The following ATAD2 variants were observed in gnomAD, a reference collection of about 807,000 sequenced individuals.
ATAD2 encodes the protein ATPase family AAA domain-containing protein 2.
In ATAD2, 62 loss-of-function variants were observed where a neutral mutation model predicts 168.9. That is an observed-to-expected ratio of 0.37 (90% CI 0.30 to 0.45). The LOEUF is 0.45. ATAD2 is among the 20% of genes least tolerant of loss of function. ATAD2 has a pLI of 1.00. For synonymous variants in ATAD2, 613 were observed against 571.6 expected (o/e 1.07, Z -1.03); for missense variants, 1,419 against 1,667.8 (o/e 0.85, Z 2.60).
intron 24 of ATAD2, among the ~76,000 whole-genome samples, chr8:123,331,414 A>G (rs983519200): frequency 6.6e-6 from 1 of 151,286 alleles, no homozygotes; most frequent in Non-Finnish European, 1.5e-5. Context: ...AATTTTTTTT[A>G]TTTTTAGTAG....
upstream of ATAD2, among the ~76,000 whole-genome samples, chr8:123,396,716 T>TGA (rs2129997988): frequency 6.6e-6 from 1 of 152,160 alleles, no homozygotes; most frequent in African/African-American, 2.4e-5. Context: ...GAGCGGTGCG[T>TGA]AGCCCGTTTG....
intron 1 of ATAD2, among the ~76,000 whole-genome samples, chr8:123,412,075 C>G (rs1277786076): frequency 6.6e-6 from 1 of 152,338 alleles, no homozygotes; most frequent in African/African-American, 2.4e-5. Context: ...TTTCCCTGGT[C>G]TTACCAGTCA....
intron 21 of ATAD2, among the ~76,000 whole-genome samples, chr8:123,336,785 T>C (rs1827926626): frequency 6.6e-6 from 1 of 152,270 alleles, no homozygotes; most frequent in East Asian, 1.9e-4. Flanking sequence ...ACAGCCTATA[T>C]TCTTTCCTCA....
intron 9 of ATAD2, 96 bp from the exon 10 acceptor site, chr8:123,359,781 AATC>A: frequency 1.2e-6 from 1 of 842,878 alleles, no homozygotes; most frequent in Non-Finnish European, 1.8e-6. Flanking sequence ...TTAAAAAAAA[AATC>A]TAAATTTCAA....
chr8:123,347,501 A>T (rs1828289210), intron 15 of ATAD2, 95 bp from the exon 16 acceptor site: 6 of 1,261,106 alleles, frequency 4.8e-6, no homozygotes, highest in Non-Finnish European at 5.4e-6. Context: ...AAAAAATTAA[A>T]AATCAGCCTC....
At chr8:123,328,627 C>G in intron 24 of ATAD2, 48 bp from the exon 25 acceptor site, 1 of 1,484,040 alleles carries the variant, frequency 6.7e-7, no homozygotes, top group Non-Finnish European at 9.0e-7. Flanking sequence ...CAACCATTTT[C>G]TGAAATTCAA....
intron 13 of ATAD2, among the ~76,000 whole-genome samples, chr8:123,351,860 G>A (rs1394309192): frequency 6.6e-6 from 1 of 150,536 alleles, no homozygotes; most frequent in Non-Finnish European, 1.5e-5. Context: ...CCATTCTACT[G>A]CCTCCACCTC....
At chr8:123,322,873 T>C in intron 27 of ATAD2, 65 bp downstream of exon 27, 1 of 1,505,026 alleles carries the variant, frequency 6.6e-7, no homozygotes, top group Admixed American at 1.9e-5. Flanking sequence ...TCAACAATCC[T>C]ACATAAGTGA....
chr8:123,324,860 G>A (rs28693459), intron 26 of ATAD2, among the ~76,000 whole-genome samples: 19,169 of 152,062 alleles, frequency 0.13, 3,348 homozygotes, highest in African/African-American at 0.4. Flanking sequence ...CCTGACAGCT[G>A]TCAGAATCAC....
intron 2 of ATAD2, among the ~76,000 whole-genome samples, chr8:123,376,799 A>T (rs1829329092): frequency 6.6e-6 from 1 of 151,866 alleles, no homozygotes; most frequent in African/African-American, 2.4e-5. Context: ...TCTACAAAAA[A>T]TTTAACAATG....
upstream of ATAD2, among the ~76,000 whole-genome samples, chr8:123,397,250 A>G (rs1812895422): frequency 6.6e-6 from 1 of 151,536 alleles, no homozygotes; most frequent in Non-Finnish European, 1.5e-5. Context: ...CAAAAAAAAA[A>G]AAAAAAAAAA....
At chr8:123,323,339 T>G (rs896137289) in intron 26 of ATAD2, among the ~76,000 whole-genome samples, 2 of 152,194 alleles carry the variant, frequency 1.3e-5, no homozygotes, top group South Asian at 4.1e-4. Context: ...TACAAACAAA[T>G]TAAAAACTAA....
At chr8:123,329,999 T>G (rs1439295674) in intron 24 of ATAD2, among the ~76,000 whole-genome samples, 1 of 145,420 alleles carries the variant, frequency 6.9e-6, no homozygotes, top group African/African-American at 2.6e-5. Context: ...TTTTTTTTTT[T>G]TTTTTTGAGA....
Position 123,325,095 on chromosome 8 carries a change from A to C in ATAD2, c.4002+798T>G, listed in dbSNP as rs78136321. Among the ~76,000 whole-genome samples, 779 of 147,008 alleles carry C rather than the reference A, an allele frequency of 5.3e-3. 6 individuals are homozygous for C. Among genetic ancestry groups the C allele is most frequent in the African/African-American group, 0.018 (726 of 39,370 alleles). ...TTTTATATTAAAAAATAATAGTAAT[A>C]ATTCTTTTTTTTTTTTTTTTTTTGG... On this transcript the variant is annotated intron_variant, in intron 26 of 27. Transcript: ENST00000287394.
In ATAD2 at chr8:123,349,874, TAAAAAAA is replaced by T. The variant is rs397891535; in HGVS notation, c.1647-437_1647-431del. ...CAACATAGGGAAACCCCATCTCTATTAAAAAAAAAAAAAAAAATTAGCCAGCATGGTG... is the reference window on the plus strand; with the variant it reads ...CAACATAGGGAAACCCCATCTCTATTAAAAAAAAAATTAGCCAGCATGGTG... On this transcript the variant is annotated intron_variant, in intron 13 of 27. Coordinates refer to ENST00000287394, the MANE Select transcript of ATAD2 (RefSeq NM_014109.4). 9.5e-5 allele frequency among the ~76,000 whole-genome samples: 13 copies of T among 137,194 alleles called. No individual in the cohort carries two copies. In the South Asian group the frequency reaches 2.8e-3, roughly 30 times the overall value. 90.0% of individuals were successfully genotyped at this position (137,194 alleles called of 152,430 possible).
chr8:123,396,061 C>T, intron 1 of ATAD2, 126 bp downstream of exon 1: 1 of 1,126,124 alleles, frequency 8.9e-7, no homozygotes, highest in Admixed American at 3.1e-5. Flanking sequence ...TCGTCCTCGA[C>T]CACACTTCTC....
intron 5 of ATAD2, 113 bp downstream of exon 5, chr8:123,371,123 G>T: frequency 9.2e-7 from 1 of 1,089,216 alleles, no homozygotes; most frequent in South Asian, 1.7e-5. Context: ...AGTAACTAAT[G>T]ACTGATCAAA....
chr8:123,391,621 T>C (rs903435691), intron 1 of ATAD2, among the ~76,000 whole-genome samples: 1 of 151,956 alleles, frequency 6.6e-6, no homozygotes, highest in Non-Finnish European at 1.5e-5. Flanking sequence ...AATAAATATG[T>C]GGCTGAGGAA....
At chr8:123,375,058 C>G (rs1829265689) in intron 2 of ATAD2, among the ~76,000 whole-genome samples, 1 of 152,092 alleles carries the variant, frequency 6.6e-6, no homozygotes, top group African/African-American at 2.4e-5. Flanking sequence ...TATAGTCAGG[C>G]ATGCTGACAA....
Sources: allele counts gnomAD v4.1 joint callset (sites outside exome capture counted in the v4.1 genomes callset), GRCh38; gene constraint gnomAD v4.1.1; transcripts MANE v1.5; gene names NCBI Gene and HGNC (gene_info 2026-07-23, HGNC 2026-07-21).